The following KATNAL2 variants were observed in gnomAD, a reference collection of about 807,000 sequenced individuals.
KATNAL2 encodes the protein katanin p60 ATPase-containing subunit A-like 2.
A neutral mutation model predicts 76.3 loss-of-function variants in KATNAL2; 52 were observed. The observed-to-expected ratio is 0.68, with a 90% CI of 0.55 to 0.86. The LOEUF is 0.86. Ranked by LOEUF, KATNAL2 falls within the 40% of genes least tolerant of loss-of-function variation. KATNAL2 has a pLI of 0.00. For synonymous variants in KATNAL2, 243 were observed against 244.2 expected (o/e 1.00, Z 0.05); for missense variants, 660 against 668.9 (o/e 0.99, Z 0.15).
rs547290908 is a variant in KATNAL2, at chr18:47,035,658, C to G, written c.52-10799C>G. Reference sequence around the variant, plus strand: ...TGCCCCGCCCCCATACGTACTCATGCCGTCAGCACAATGCAGACAATCGGG... The same window carrying G: ...TGCCCCGCCCCCATACGTACTCATGGCGTCAGCACAATGCAGACAATCGGG... On this transcript the variant is annotated intron_variant, in intron 3 of 17. Coordinates refer to ENST00000683218, the MANE Select transcript of KATNAL2 (RefSeq NM_001387690.1). 1.5e-4 allele frequency: 56 copies of G among 383,562 alleles called. 1 individual carries two copies. The South Asian group carries it at 1.6e-3, about 11-fold the overall frequency. 23.8% of individuals were successfully genotyped at this position (383,562 alleles called of 1,614,324 possible).
intron 6 of KATNAL2, among the ~76,000 whole-genome samples, chr18:47,055,702 T>A (rs1390762802): frequency 3.9e-5 from 6 of 152,226 alleles, no homozygotes; most frequent in Non-Finnish European, 8.8e-5. Context: ...TGCATAGAAA[T>A]CATGAGGAGC....
chr18:47,069,703 C>A, intron 13 of KATNAL2, 103 bp downstream of exon 13: 1 of 717,278 alleles, frequency 1.4e-6, no homozygotes, highest in Non-Finnish European at 2.3e-6. Flanking sequence ...TATGTGAGAT[C>A]TCAAGATCCA....
chr18:46,939,312 G>A (rs942009184), intron 1 of KATNAL2, among the ~76,000 whole-genome samples: 12 of 150,658 alleles, frequency 8.0e-5, no homozygotes, highest in Middle Eastern at 3.2e-3. Context: ...CAGCCTGAGC[G>A]GCAGAATGAG....
chr18:47,050,724 A>C (rs1198393472), intron 4 of KATNAL2, among the ~76,000 whole-genome samples: 2 of 152,224 alleles, frequency 1.3e-5, no homozygotes, highest in African/African-American at 4.8e-5. Context: ...AATAAAAGAG[A>C]TCTGCCTTAA....
intron 3 of KATNAL2, among the ~76,000 whole-genome samples, chr18:47,043,222 G>A (rs1266481309): frequency 5.6e-5 from 2 of 35,692 alleles, no homozygotes; most frequent in African/African-American, 2.0e-4. Context: ...GCGAGACTCC[G>A]TTTCAAAAAA....
intron 15 of KATNAL2, among the ~76,000 whole-genome samples, chr18:47,078,310 A>AC (rs34485206): frequency 0.012 from 1,867 of 150,874 alleles, 22 homozygotes; most frequent in Non-Finnish European, 0.019. Flanking sequence ...ATTATCTGGG[A>AC]CCCCCCCCAA....
At chr18:47,040,929 G>A (rs2060941940) in intron 3 of KATNAL2, among the ~76,000 whole-genome samples, 1 of 152,152 alleles carries the variant, frequency 6.6e-6, no homozygotes, top group African/African-American at 2.4e-5. Flanking sequence ...TTTATAATAA[G>A]AGTTTCAGAA....
At chr18:47,078,312 C>G (rs889289266) in intron 15 of KATNAL2, among the ~76,000 whole-genome samples, 3 of 150,344 alleles carry the variant, frequency 2.0e-5, no homozygotes, top group Non-Finnish European at 3.0e-5. Context: ...TATCTGGGAC[C>G]CCCCCCAAAC....
intron 12 of KATNAL2, 41 bp downstream of exon 12, chr18:47,069,324 T>C (rs142007682): frequency 1.8e-4 from 278 of 1,540,058 alleles, no homozygotes; most frequent in Non-Finnish European, 2.2e-4. Context: ...GTTAAGTGTG[T>C]GTGCAGAGGA....
intron 3 of KATNAL2, among the ~76,000 whole-genome samples, chr18:47,042,823 AG>A (rs2061007590): frequency 6.6e-6 from 1 of 152,228 alleles, no homozygotes; most frequent in Admixed American, 6.5e-5. Context: ...ATAATAAAGA[AG>A]TTTTCCAAAA....
Position 47,102,115 on chromosome 18 carries a change from A to C in KATNAL2, c.*1110A>C, listed in dbSNP as rs928268727. ...ATTTTACCCTTTTAAACAAAACCAAAGCATTTTTTTCGGTATCGATTATTT... is the reference window on the plus strand; with the variant it reads ...ATTTTACCCTTTTAAACAAAACCAACGCATTTTTTTCGGTATCGATTATTT... On this transcript the variant is annotated 3_prime_UTR_variant, in exon 18 of 18. Transcript: ENST00000683218. 1 of 152,206 alleles carries C rather than the reference A, an allele frequency of 6.6e-6. No individual in the cohort carries two copies. The highest frequency in any genetic ancestry group is 1.5e-5 in the Non-Finnish European group (1 of 68,034). The allele number at this position is 152,206 out of a possible 1,614,324, so 9.4% of individuals were successfully genotyped here.
chr18:47,033,257 C>A, intron 3 of KATNAL2: 3 of 1,613,704 alleles, frequency 1.9e-6, no homozygotes, highest in Non-Finnish European at 2.5e-6. Flanking sequence ...TTGATCTCCC[C>A]ATTTTCGGGG....
In KATNAL2 at chr18:47,033,676, C is replaced by T. The variant is rs151198704; in HGVS notation, c.52-12781C>T. On this transcript the variant is annotated intron_variant, in intron 3 of 17. Transcript: ENST00000683218. ...TCTAAGCACCTGGGCACACTGCTGG[C>T]GCAGCGTCGGCACCTGGAGCTGGCA... 60 of 1,614,072 alleles carry T rather than the reference C, an allele frequency of 3.7e-5. 1 individual carries two copies. The highest frequency in any genetic ancestry group is 3.3e-4 in the Middle Eastern group (2 of 6,084).
chr18:47,058,346 T>C lies in KATNAL2; in HGVS notation c.444T>C (p.Pro148=). 1 of 1,604,970 alleles carries C rather than the reference T, an allele frequency of 6.2e-7. No homozygotes were observed. Among genetic ancestry groups the C allele is most frequent in the Non-Finnish European group, 8.5e-7 (1 of 1,171,688 alleles). The change falls in exon 7 of 18, where the codon CCT becomes CCC. Residue 148 remains proline (P), a synonymous_variant. Coordinates refer to ENST00000683218, the MANE Select transcript of KATNAL2 (RefSeq NM_001387690.1). Reference sequence around the variant, plus strand: ...CCAAATCGCTCAATAAGGAGCATCCTAATCAGGTCAGGATGGCTTGGCTTG... The same window carrying C: ...CCAAATCGCTCAATAAGGAGCATCCCAATCAGGTCAGGATGGCTTGGCTTG... ...GDTKSLNKEH[P]NQEVVDNTRL...
In KATNAL2 at chr18:47,071,953, C is replaced by CTTTTTTTT. The variant is rs574265545; in HGVS notation, c.1008+2384_1008+2391dup. ...GAAACAATTCCTCTCCCAATTTCTT[C>CTTTTTTTT]TTTTTTTTTTTTTTTTTTTTTTTTT... On this transcript the variant is annotated intron_variant, in intron 13 of 17. Transcript: ENST00000683218. Among the ~76,000 whole-genome samples the CTTTTTTTT allele has an allele frequency of 3.3e-3, 144 of 43,948 alleles. 35 individuals carry two copies. The highest frequency in any genetic ancestry group is 0.015 in the African/African-American group (121 of 8,340). 28.8% of individuals were successfully genotyped at this position (43,948 alleles called of 152,430 possible).
chr18:47,071,971 T>C (rs2062024659), intron 13 of KATNAL2, among the ~76,000 whole-genome samples: 1 of 116,092 alleles, frequency 8.6e-6, no homozygotes, highest in African/African-American at 3.5e-5. Flanking sequence ...TTTTTTTTTT[T>C]TTTTTTTTTT....
At chr18:46,944,247 CAGTCTTATAA>C (rs560733566) in intron 1 of KATNAL2, among the ~76,000 whole-genome samples, 7 of 152,272 alleles carry the variant, frequency 4.6e-5, no homozygotes, top group Non-Finnish European at 8.8e-5. Context: ...TCTAACCTAG[CAGTCTTATAA>C]AGTTGGCCTT....
At chr18:46,919,701 C>T (rs766513501) in intron 1 of KATNAL2, among the ~76,000 whole-genome samples, 1 of 152,154 alleles carries the variant, frequency 6.6e-6, no homozygotes, top group Non-Finnish European at 1.5e-5. Flanking sequence ...TGTAAACCCA[C>T]TAGACTATAA....
At chr18:47,080,986 T>TCCTC (rs1325761945) in intron 15 of KATNAL2, among the ~76,000 whole-genome samples, 2 of 150,808 alleles carry the variant, frequency 1.3e-5, no homozygotes, top group Non-Finnish European at 3.0e-5. Flanking sequence ...CTTCCTTCCT[T>TCCTC]CCTCCCTCCC....
Sources: gnomAD v4.1 joint callset for allele counts (sites outside exome capture counted in the v4.1 genomes callset) on GRCh38, gnomAD v4.1.1 for gene constraint, MANE v1.5 for transcripts, NCBI Gene and HGNC (gene_info 2026-07-23, HGNC 2026-07-21) for gene names.